Variants in UTP20 observed in about 807,000 individuals in gnomAD.
The protein encoded by UTP20 is small subunit processome component 20 homolog.
Under a neutral mutation model 329.5 loss-of-function variants are expected in UTP20, and 164 were observed. The observed-to-expected ratio is 0.50, with a 90% CI of 0.44 to 0.57. UTP20 has a LOEUF of 0.57. UTP20 is among the 20% of genes least tolerant of loss of function. The pLI is 0.00. For missense variants in UTP20, 3,055 were observed against 3,284.2 expected (o/e 0.93, Z 1.71); for synonymous variants, 1,151 against 1,159.3 (o/e 0.99, Z 0.14).
chr12:101,363,107 T>A lies in UTP20; in HGVS notation c.5791-469T>A, dbSNP rs1034412445. Among the ~76,000 whole-genome samples the A allele has an allele frequency of 1.5e-4, 15 of 103,074 alleles. 1 individual carries two copies. Among genetic ancestry groups the A allele is most frequent in the Non-Finnish European group, 2.3e-4 (15 of 64,984 alleles). The allele number at this position is 103,074 out of a possible 152,430, so 67.6% of individuals were successfully genotyped here. On this transcript the variant is annotated intron_variant, in intron 44 of 61. Transcript: ENST00000261637. ...GAGATCATGCCACTGCACTCCAGCC[T>A]GGGTGCCAGAGTGGGACTCTGTATC...
At chr12:101,374,038 A>G (rs1220460654) in intron 54 of UTP20, among the ~76,000 whole-genome samples, 2 of 151,990 alleles carry the variant, frequency 1.3e-5, no homozygotes, top group Non-Finnish European at 2.9e-5. Flanking sequence ...GATCGAGACC[A>G]TCCCGGCTAA....
chr12:101,288,942 TA>T lies in UTP20; in HGVS notation c.516-17del. 6.3e-7 allele frequency: 1 copy of T among 1,596,270 alleles called. No homozygotes were observed. The highest frequency in any genetic ancestry group is 1.3e-5 in the African/African-American group (1 of 74,292). On this transcript the variant is annotated splice_polypyrimidine_tract_variant and intron_variant, in intron 5 of 61. Transcript: ENST00000261637. The stretch of plus-strand genomic sequence containing the variant: ...ATTATATGATTAATGAAATGTATCT[TA>T]TTTTTTTCATGTATAGCATGTACAG...
Position 101,373,694 on chromosome 12 carries a change from T to C in UTP20, c.7058T>C (p.Leu2353Pro). 1 of 1,612,548 alleles carries C rather than the reference T, an allele frequency of 6.2e-7. No individual in the cohort carries two copies. Among genetic ancestry groups the C allele is most frequent in the South Asian group, 1.1e-5 (1 of 90,434 alleles). Residue 2353 changes from leucine (L) to proline (P), a missense_variant, in exon 54 of 62, where the codon CTA becomes CCA. Coordinates refer to ENST00000261637, the MANE Select transcript of UTP20 (RefSeq NM_014503.3). ...ATGGCATCCATGACAATCAAGTCCC[T>C]ACTTGGTAAAATCAGCCTCGAGAAA... is the stretch of plus-strand genomic sequence containing the variant. Reference protein sequence around the residue: ...KKMASMTIKSLLGKISLEKKD... With the variant: ...KKMASMTIKSPLGKISLEKKD...
At chr12:101,328,138 C>A (rs1868631279) in intron 26 of UTP20, among the ~76,000 whole-genome samples, 1 of 152,066 alleles carries the variant, frequency 6.6e-6, no homozygotes, top group Non-Finnish European at 1.5e-5. Flanking sequence ...TGTATTTTTT[C>A]TATGATAATA....
chr12:101,352,085 A>G lies in UTP20; in HGVS notation c.4915A>G (p.Ile1639Val), dbSNP rs1182060868. The change falls in exon 39 of 62, where the codon ATT (isoleucine) becomes GTT (valine). Residue 1639 changes from isoleucine to valine, a missense_variant. Transcript: ENST00000261637. ...HENITTAATEIIGAICKHLSW... is the reference protein window; with the variant it reads ...HENITTAATEVIGAICKHLSW... ...AAATATAACCACTGCTGCCACAGAG[A>G]TTATTGGAGCCATTTGCAAACATCT... is the stretch of plus-strand genomic sequence containing the variant. The G allele has an allele frequency of 6.2e-7, 1 of 1,613,800 alleles. No individual in the cohort carries two copies. Among genetic ancestry groups the G allele is most frequent in the Non-Finnish European group, 8.5e-7 (1 of 1,179,980 alleles).
intron 43 of UTP20, among the ~76,000 whole-genome samples, chr12:101,360,968 C>T (rs1794186990): frequency 1.3e-5 from 2 of 152,172 alleles, no homozygotes; most frequent in South Asian, 2.1e-4. Context: ...GCACTAGAAG[C>T]AGCATAAAGA....
chr12:101,374,409 C>T (rs899574517), intron 54 of UTP20, among the ~76,000 whole-genome samples: 1 of 152,098 alleles, frequency 6.6e-6, no homozygotes, highest in Non-Finnish European at 1.5e-5. Context: ...TAATTTTTAT[C>T]CACTTGGTAC....
rs537476337 is a variant in UTP20, at chr12:101,324,093, C to T, written c.3041+2464C>T. Among the ~76,000 whole-genome samples, 9 of 151,566 alleles carry T rather than the reference C, an allele frequency of 5.9e-5. No individual in the cohort carries two copies. In the South Asian group the frequency reaches 1.0e-3, roughly 18 times the overall value. On this transcript the variant is annotated intron_variant, in intron 25 of 61. Transcript: ENST00000261637. ...TGGAGGTTGCAGTGAGCTGAGATCGCGCCACTGTACTCCAGCCTGGATGAC... is the reference window on the plus strand; with the variant it reads ...TGGAGGTTGCAGTGAGCTGAGATCGTGCCACTGTACTCCAGCCTGGATGAC...
intron 40 of UTP20, among the ~76,000 whole-genome samples, 175 bp from the exon 41 acceptor site, chr12:101,354,657 A>C (rs1869655020): frequency 6.6e-6 from 1 of 152,184 alleles, no homozygotes. Flanking sequence ...GTGAGAAAGC[A>C]AAACCCATGG....
chr12:101,353,746 A>G (rs1343211461), intron 40 of UTP20, among the ~76,000 whole-genome samples: 1 of 152,206 alleles, frequency 6.6e-6, no homozygotes, highest in African/African-American at 2.4e-5. Context: ...AAACATTATA[A>G]ATTGGCAAAT....
intron 31 of UTP20, among the ~76,000 whole-genome samples, chr12:101,339,554 T>A (rs890599693): frequency 2.6e-5 from 4 of 152,142 alleles, no homozygotes; most frequent in African/African-American, 9.7e-5. Context: ...ACTAATAGAT[T>A]TGTTTGTTTA....
intron 31 of UTP20, among the ~76,000 whole-genome samples, chr12:101,339,509 T>G (rs1032226530): frequency 2.6e-5 from 4 of 152,184 alleles, no homozygotes; most frequent in Non-Finnish European, 5.9e-5. Flanking sequence ...TTTAATAAAA[T>G]TAAAGGGGAC....
chr12:101,336,546 C>T (rs184742486), intron 29 of UTP20, among the ~76,000 whole-genome samples: 1 of 152,312 alleles, frequency 6.6e-6, no homozygotes, highest in East Asian at 1.9e-4. Flanking sequence ...CCAATGTAAG[C>T]TGGGACTGTC....
rs778733436 is a variant in UTP20, at chr12:101,312,081, A to G, written c.2357A>G (p.Asp786Gly). Residue 786 changes from aspartate (D) to glycine (G), a missense_variant, in exon 21 of 62, where the codon GAT becomes GGT. By Grantham distance (94) the Asp-to-Gly change is moderately conservative (BLOSUM62 -1). This residue lies in a region of UTP20 where 2,445 missense variants were observed against 2,575.5 expected (regional missense o/e 0.95). Transcript: ENST00000261637. Reference sequence around the variant, plus strand: ...ATGACAGATGAGAAGTCCGTTGGAGATGAAAGTTGGGAGCAGACCCAGGAA... The same window carrying G: ...ATGACAGATGAGAAGTCCGTTGGAGGTGAAAGTTGGGAGCAGACCCAGGAA... ...NDMTDEKSVG[D>G]ESWEQTQEGD... The G allele has an allele frequency of 1.2e-6, 2 of 1,614,122 alleles. No homozygotes were observed. Among genetic ancestry groups the G allele is most frequent in the Non-Finnish European group, 1.7e-6 (2 of 1,180,048 alleles).
In UTP20 at chr12:101,334,442, T is replaced by C; in HGVS notation, c.3579T>C (p.Ser1193=). ...TCTCCTAGATCAGCAGGCTTGGATC[T>C]GAGAGTCAATATTCTCCTACTCCTC... The part of the protein sequence containing the change: ...AVWPQISRLG[S]ESQYSPTPLL... Residue 1193 remains serine, a synonymous_variant, in exon 29 of 62, where the codon TCT becomes TCC. Transcript: ENST00000261637. The C allele has an allele frequency of 6.2e-7, 1 of 1,612,098 alleles. No individual in the cohort carries two copies.
chr12:101,347,141 A>G (rs78850133), intron 38 of UTP20, among the ~76,000 whole-genome samples: 2,290 of 152,286 alleles, frequency 0.015, 63 homozygotes, highest in African/African-American at 0.051. Context: ...TGGTATTCCA[A>G]CTTAGGGCTG....
At chr12:101,369,024 ACT>A (rs1870193139) in intron 48 of UTP20, among the ~76,000 whole-genome samples, 1 of 152,200 alleles carries the variant, frequency 6.6e-6, no homozygotes, top group South Asian at 2.1e-4. Flanking sequence ...ATCTCAGCAC[ACT>A]TTTTCCATGT....
At chr12:101,305,611 T>TTATATATATATATA (rs34841818) in intron 15 of UTP20, among the ~76,000 whole-genome samples, 1 of 144,584 alleles carries the variant, frequency 6.9e-6, no homozygotes, top group African/African-American at 2.5e-5. Context: ...ATAATAAATA[T>TTATATATATATATA]TATATATATA....
rs755587225 is a variant in UTP20, at chr12:101,312,051, A to G, written c.2327A>G (p.Asn776Ser). 2 of 1,614,246 alleles carry G rather than the reference A, an allele frequency of 1.2e-6. No homozygotes were observed. The highest frequency in any genetic ancestry group is 8.5e-7 in the Non-Finnish European group (1 of 1,180,036). Reference protein sequence around the residue: ...AATHAEKELQNDMTDEKSVGD... With the variant: ...AATHAEKELQSDMTDEKSVGD... ...TTTCTTGCAGAGAAGGAACTACAGA[A>G]TGATATGACAGATGAGAAGTCCGTT... The change falls in exon 21 of 62, where the codon AAT (asparagine) becomes AGT (serine). Residue 776 changes from asparagine (N) to serine (S), a missense_variant. Asn to Ser is a conservative substitution (Grantham distance 46). Transcript: ENST00000261637.
Sources: allele counts gnomAD v4.1 joint callset (sites outside exome capture counted in the v4.1 genomes callset), GRCh38; gene constraint gnomAD v4.1.1; regional missense constraint gnomAD v4.1.1; transcripts MANE v1.5; gene names NCBI Gene and HGNC (gene_info 2026-07-23, HGNC 2026-07-21).